Variants in FAM193A observed in about 807,000 individuals in gnomAD.
The protein encoded by FAM193A is protein FAM193A.
In FAM193A, 22 loss-of-function variants were observed where a neutral mutation model predicts 126.5. The observed-to-expected ratio is 0.17, with a 90% confidence interval of 0.12 to 0.25. The LOEUF (loss-of-function observed/expected upper bound fraction) is 0.25, where lower values mean the gene tolerates loss of function less well. Ranked by LOEUF, FAM193A falls within the 10% of genes least tolerant of loss-of-function variation. FAM193A has a pLI of 1.00. For missense variants in FAM193A, 1,675 were observed against 1,672.8 expected (o/e 1.00, Z -0.02); for synonymous variants, 761 against 646.8 (o/e 1.18, Z -2.68).
At chr4:2,710,712 C>T (rs1460253735) in intron 19 of FAM193A, among the ~76,000 whole-genome samples, 1 of 151,908 alleles carries the variant, frequency 6.6e-6, no homozygotes, top group African/African-American at 2.4e-5. Flanking sequence ...GCCAGATTGT[C>T]CAGGCTGGTC....
chr4:2,540,118 C>CA (rs35943546), intron 1 of FAM193A, among the ~76,000 whole-genome samples: 2,668 of 137,874 alleles, frequency 0.019, 58 homozygotes, highest in African/African-American at 0.046. Flanking sequence ...AACTCTGTCT[C>CA]AAAAAAAAAA....
intron 15 of FAM193A, 136 bp from the exon 16 acceptor site, chr4:2,693,450 T>C (rs938032112): frequency 3.0e-5 from 26 of 855,504 alleles, no homozygotes; most frequent in Non-Finnish European, 4.6e-5. Flanking sequence ...TTTATAAATA[T>C]GACAGAATAT....
At chr4:2,633,135 C>T (rs541499706) in intron 5 of FAM193A, among the ~76,000 whole-genome samples, 118 of 152,188 alleles carry the variant, frequency 7.8e-4, no homozygotes, top group Non-Finnish European at 1.6e-3. Context: ...CGGTGGCTCA[C>T]GCCTGTAATT....
At chr4:2,693,350 T>C (rs1372286645) in intron 15 of FAM193A, among the ~76,000 whole-genome samples, 1 of 152,174 alleles carries the variant, frequency 6.6e-6, no homozygotes, top group Non-Finnish European at 1.5e-5. Context: ...AAACTGTCGA[T>C]GTTCTGAGGA....
chr4:2,607,940 C>T (rs1389880355), intron 2 of FAM193A: 31 of 1,393,492 alleles, frequency 2.2e-5, no homozygotes, highest in Non-Finnish European at 3.0e-5. Flanking sequence ...TTTATGAACA[C>T]AGATTCTTTT....
intron 13 of FAM193A, among the ~76,000 whole-genome samples, chr4:2,684,638 C>A (rs1715523051): frequency 6.6e-6 from 1 of 152,206 alleles, no homozygotes; most frequent in African/African-American, 2.4e-5. Context: ...TTGGCGTCTG[C>A]TGATGCGAGA....
chr4:2,569,534 C>T lies in FAM193A; in HGVS notation c.256-26550C>T, dbSNP rs766339429. ...ATTCTTTTTGAGACAGGGTCTTCTC[C>T]GTCACCCGGTCCGGAGTGCAGTGGC... On this transcript the variant is annotated intron_variant, in intron 1 of 20. Coordinates refer to ENST00000637812, the MANE Select transcript of FAM193A (RefSeq NM_001366318.2). Among the ~76,000 whole-genome samples, 4 of 152,092 alleles carry T rather than the reference C, an allele frequency of 2.6e-5. No individual in the cohort carries two copies. In the South Asian group the frequency reaches 6.2e-4, roughly 24 times the overall value.
intron 1 of FAM193A, among the ~76,000 whole-genome samples, chr4:2,541,900 G>C: frequency 6.6e-6 from 1 of 151,816 alleles, no homozygotes; most frequent in Non-Finnish European, 1.5e-5. Context: ...GCGCCATCTC[G>C]GCTCACTGCA....
chr4:2,609,661 C>T (rs1015559488), intron 2 of FAM193A, among the ~76,000 whole-genome samples: 1 of 152,144 alleles, frequency 6.6e-6, no homozygotes, highest in African/African-American at 2.4e-5. Context: ...CGGCCTAGGC[C>T]GATCACGCCT....
intron 16 of FAM193A, 144 bp from the exon 17 acceptor site, chr4:2,694,802 T>C (rs1244163868): frequency 4.7e-6 from 3 of 635,098 alleles, no homozygotes; most frequent in Non-Finnish European, 7.7e-6. Flanking sequence ...TGTGTATGAC[T>C]CCCTAGTAAC....
At chr4:2,565,448 A>G (rs760969252) in intron 1 of FAM193A, among the ~76,000 whole-genome samples, 3 of 151,688 alleles carry the variant, frequency 2.0e-5, no homozygotes, top group Non-Finnish European at 2.9e-5. Context: ...AATAGAGACA[A>G]GTTTTCACCG....
chr4:2,713,996 A>G (rs971064613), intron 19 of FAM193A, among the ~76,000 whole-genome samples: 4 of 152,232 alleles, frequency 2.6e-5, no homozygotes, highest in African/African-American at 9.7e-5. Flanking sequence ...AAGATTTTAT[A>G]GACTGATTAT....
At chr4:2,600,245 A>G (rs1469901511) in intron 2 of FAM193A, among the ~76,000 whole-genome samples, 1 of 152,138 alleles carries the variant, frequency 6.6e-6, no homozygotes, top group Non-Finnish European at 1.5e-5. Context: ...CATGGATTCC[A>G]TTCCTGTTAG....
chr4:2,721,468 A>G (rs1056419283), intron 20 of FAM193A, among the ~76,000 whole-genome samples: 1 of 152,134 alleles, frequency 6.6e-6, no homozygotes, highest in Non-Finnish European at 1.5e-5. Flanking sequence ...AGCCTAAGCA[A>G]TAGAGAGATC....
chr4:2,650,633 A>G (rs1289259594), intron 7 of FAM193A, among the ~76,000 whole-genome samples: 2 of 152,168 alleles, frequency 1.3e-5, no homozygotes, highest in Non-Finnish European at 2.9e-5. Flanking sequence ...GAAGCACGTG[A>G]AAGGCTCCTT....
chr4:2,617,779 A>G (rs1437136014), intron 2 of FAM193A, among the ~76,000 whole-genome samples: 1 of 152,128 alleles, frequency 6.6e-6, no homozygotes, highest in African/African-American at 2.4e-5. Flanking sequence ...TTTTTCTTAC[A>G]TGTATTATAC....
chr4:2,589,511 T>C (rs2108893307), intron 1 of FAM193A, among the ~76,000 whole-genome samples: 1 of 152,364 alleles, frequency 6.6e-6, no homozygotes, highest in Non-Finnish European at 1.5e-5. Flanking sequence ...TGTTGAATTT[T>C]ATTGAGTTTC....
chr4:2,537,722 T>C (rs1182380306), intron 1 of FAM193A, among the ~76,000 whole-genome samples: 1 of 152,222 alleles, frequency 6.6e-6, no homozygotes, highest in Non-Finnish European at 1.5e-5. Flanking sequence ...CTCCCGGAAG[T>C]TTTCCTTTGG....
At chr4:2,716,428 C>T (rs549922687) in intron 20 of FAM193A, among the ~76,000 whole-genome samples, 1 of 152,312 alleles carries the variant, frequency 6.6e-6, no homozygotes, top group Non-Finnish European at 1.5e-5. Flanking sequence ...GGGCCAGCAG[C>T]GTCTCCTGGG....
Sources: gnomAD v4.1 joint callset for allele counts (sites outside exome capture counted in the v4.1 genomes callset) on GRCh38, gnomAD v4.1.1 for gene constraint, MANE v1.5 for transcripts, NCBI Gene and HGNC (gene_info 2026-07-23, HGNC 2026-07-21) for gene names.